The following SQLE variants were observed in gnomAD, a reference collection of about 807,000 sequenced individuals.
SQLE encodes the protein squalene monooxygenase.
In SQLE, 29 loss-of-function variants were observed where a neutral mutation model predicts 60.7. The observed-to-expected ratio is 0.48, with a 90% CI of 0.36 to 0.65. SQLE has a LOEUF of 0.65. SQLE is among the 30% of genes least tolerant of loss of function. The pLI, the probability that SQLE is intolerant of heterozygous loss-of-function variation, is 0.00. For missense variants in SQLE, 605 were observed against 684.1 expected (o/e 0.88, Z 1.29); for synonymous variants, 237 against 246.8 (o/e 0.96, Z 0.37).
intron 1 of SQLE, among the ~76,000 whole-genome samples, chr8:125,001,157 T>TC (rs1322770829): frequency 6.6e-6 from 1 of 152,174 alleles, no homozygotes; most frequent in African/African-American, 2.4e-5. Flanking sequence ...TAATTTGAAC[T>TC]TTTTTGTATT....
Position 124,998,726 on chromosome 8 carries a change from T to C in SQLE, c.-678T>C, listed in dbSNP as rs1588110115. On this transcript the variant is annotated 5_prime_UTR_variant, in exon 1 of 11. Coordinates refer to ENST00000265896, the MANE Select transcript of SQLE (RefSeq NM_003129.4). ...CTGGGGGCCAGCGAAACGGGAGGCC[T>C]CTAAATCTTTAGGTTGGGGCTGCAT... is the stretch of plus-strand genomic sequence containing the variant. 1.7e-6 allele frequency: 1 copy of C among 579,910 alleles called. No homozygotes were observed. Among genetic ancestry groups the C allele is most frequent in the East Asian group, 3.3e-5 (1 of 30,064 alleles). The allele number at this position is 579,910 out of a possible 1,614,324, so 35.9% of individuals were successfully genotyped here. A position where few individuals can be genotyped will look rare whatever the true frequency, so the allele number is the denominator to read the frequency against.
chr8:124,999,636 T>C lies in SQLE; in HGVS notation c.233T>C (p.Phe78Ser), dbSNP rs752495419. ...CTCTCAGGCCTGCCTTTCATTGGCT[T>C]CTTCTGGGCCAAATCCCCCCCTGAA... is the stretch of plus-strand genomic sequence containing the variant. ...DILSGLPFIG[F>S]FWAKSPPESE... Residue 78 changes from phenylalanine to serine, a missense_variant, in exon 1 of 11, where the codon TTC becomes TCC. Physicochemically the swap from Phe to Ser is radical, Grantham distance 155. Transcript: ENST00000265896. The C allele has an allele frequency of 1.2e-6, 2 of 1,612,282 alleles. No homozygotes were observed. The highest frequency in any genetic ancestry group is 3.3e-5 in the Admixed American group (2 of 59,720).
Position 125,009,067 on chromosome 8 carries a change from G to T in SQLE, c.919G>T (p.Val307Phe). ...TAAAGTTTCTGTATCATCTCATTTT[G>T]TTGGCTTTCTTATGAAGGTACTGTA... ...SNKVSVSSHF[V>F]GFLMKNAPQF... is the part of the protein sequence containing the mutation. The change falls in exon 5 of 11, where the codon GTT (valine) becomes TTT (phenylalanine). Residue 307 changes from valine to phenylalanine, a missense_variant. By Grantham distance (50) the Val-to-Phe change is conservative. Transcript: ENST00000265896. 6.3e-7 allele frequency: 1 copy of T among 1,595,806 alleles called. No individual in the cohort carries two copies. The highest frequency in any genetic ancestry group is 8.5e-7 in the Non-Finnish European group (1 of 1,173,692).
chr8:125,015,919 T>C (rs1190123811), intron 7 of SQLE, among the ~76,000 whole-genome samples: 2 of 144,550 alleles, frequency 1.4e-5, no homozygotes, highest in African/African-American at 4.9e-5. Flanking sequence ...CAGTGTGTCT[T>C]GCCCCTCTCT....
At chr8:125,000,455 G>GT (rs1272338986) in intron 1 of SQLE, among the ~76,000 whole-genome samples, 3 of 152,104 alleles carry the variant, frequency 2.0e-5, no homozygotes, top group East Asian at 1.9e-4. Context: ...AAAAATTTTT[G>GT]TTTTTTGAGA....
chr8:125,012,711 T>A (rs1031043907), intron 7 of SQLE, among the ~76,000 whole-genome samples: 19 of 152,268 alleles, frequency 1.2e-4, no homozygotes, highest in Middle Eastern at 3.2e-3. Context: ...GCAATGCTGC[T>A]ATGAACATCT....
intron 4 of SQLE, among the ~76,000 whole-genome samples, chr8:125,007,745 A>G (rs1480628337): frequency 4.6e-5 from 7 of 152,216 alleles, no homozygotes; most frequent in African/African-American, 2.4e-5. Flanking sequence ...CTGCTCAAAA[A>G]GTTTTGGATT....
At position 125,022,012 on chromosome 8, in the gene SQLE, A is replaced by T; in HGVS notation, c.*67A>T. ...CCAAGTCCTAAGAGACTTTTGGAAG[A>T]GGATATATATAGCATAGTACCATAC... On this transcript the variant is annotated 3_prime_UTR_variant, in exon 11 of 11. Transcript: ENST00000265896. The T allele has an allele frequency of 1.6e-6, 2 of 1,260,564 alleles. No individual in the cohort carries two copies. The highest frequency in any genetic ancestry group is 3.0e-5 in the South Asian group (2 of 66,220). 78.1% of individuals were successfully genotyped at this position (1,260,564 alleles called of 1,614,324 possible).
chr8:125,010,081 G>T (rs1342006153), intron 6 of SQLE, among the ~76,000 whole-genome samples: 1 of 152,130 alleles, frequency 6.6e-6, no homozygotes, highest in East Asian at 1.9e-4. Flanking sequence ...TTACAGATGG[G>T]AGAACTAAGG....
chr8:125,019,553 AGAGT>A (rs903669930), intron 9 of SQLE, among the ~76,000 whole-genome samples: 1 of 152,252 alleles, frequency 6.6e-6, no homozygotes, highest in Admixed American at 6.5e-5. Context: ...CCTGGGCAAC[AGAGT>A]GAGACTTCAT....
chr8:125,011,758 T>C (rs1490933310), intron 7 of SQLE, 126 bp downstream of exon 7: 3 of 764,790 alleles, frequency 3.9e-6, no homozygotes, highest in African/African-American at 3.5e-5. Context: ...AGTGCATTAT[T>C]AATACCAAAA....
chr8:125,020,741 T>C (rs1393737060), intron 9 of SQLE, 43 bp from the exon 10 acceptor site: 16 of 1,225,572 alleles, frequency 1.3e-5, no homozygotes, highest in Non-Finnish European at 1.9e-5. Context: ...GCATCCTACA[T>C]AAGTGTGTAC....
In SQLE at chr8:125,002,404, G is replaced by A. The variant is rs1019988125; in HGVS notation, c.292-772G>A. Among the ~76,000 whole-genome samples the A allele has an allele frequency of 2.6e-5, 4 of 152,314 alleles. No homozygotes were observed. The South Asian group carries it at 6.2e-4, about 24-fold the overall frequency. ...ATAATGAAAATATCTAAGGCCGCAC[G>A]CAGTGGCTCACGCCTGTAATCCCAG... On this transcript the variant is annotated intron_variant, in intron 1 of 10. Transcript: ENST00000265896.
chr8:125,003,069 A>G (rs1238058159), intron 1 of SQLE, 107 bp from the exon 2 acceptor site: 2 of 1,004,120 alleles, frequency 2.0e-6, no homozygotes, highest in Admixed American at 3.4e-5. Context: ...AATATTTAGT[A>G]TCTAGCTTTA....
chr8:125,012,268 T>C lies in SQLE; in HGVS notation c.1204+636T>C, dbSNP rs78371274. Among the ~76,000 whole-genome samples the C allele has an allele frequency of 3.0e-3, 456 of 152,362 alleles. 2 individuals are homozygous for C. The highest frequency in any genetic ancestry group is 0.011 in the African/African-American group (442 of 41,576). On this transcript the variant is annotated intron_variant, in intron 7 of 10. Coordinates refer to ENST00000265896, the MANE Select transcript of SQLE (RefSeq NM_003129.4). ...GTTTTCTTGTTACTAACTTTATTGATATATAATTCACAAATCAGTTTGCCC... is the reference window on the plus strand; with the variant it reads ...GTTTTCTTGTTACTAACTTTATTGACATATAATTCACAAATCAGTTTGCCC...
At chr8:125,010,547 TTAG>T (rs1476316673) in intron 6 of SQLE, among the ~76,000 whole-genome samples, 1 of 152,128 alleles carries the variant, frequency 6.6e-6, no homozygotes, top group African/African-American at 2.4e-5. Context: ...TGAAACCACT[TTAG>T]TAACAAATTA....
At chr8:125,012,531 C>T (rs1815053255) in intron 7 of SQLE, among the ~76,000 whole-genome samples, 1 of 152,216 alleles carries the variant, frequency 6.6e-6, no homozygotes, top group African/African-American at 2.4e-5. Context: ...TTGGAACTGG[C>T]TTTTCATTTA....
intron 3 of SQLE, 128 bp from the exon 4 acceptor site, chr8:125,007,263 C>A: frequency 2.0e-6 from 1 of 496,060 alleles, no homozygotes; most frequent in South Asian, 5.6e-5. Flanking sequence ...AAAAAACACA[C>A]ATTGGACACG....
Position 124,998,570 on chromosome 8 carries a change from C to CGCGCT in SQLE, c.-832_-828dup, listed in dbSNP as rs1205086552. The CGCGCT allele has an allele frequency of 1.5e-6, 1 of 684,040 alleles. No homozygotes were observed. 42.4% of individuals were successfully genotyped at this position (684,040 alleles called of 1,614,324 possible). On this transcript the variant is annotated 5_prime_UTR_variant, in exon 1 of 11. Transcript: ENST00000265896. Reference sequence around the variant, plus strand: ...GTTACTCTGGTTACTGGGGCCGCGCCGCGCTGGCGAGAGCCGCCGCCCGCG... The same window carrying CGCGCT: ...GTTACTCTGGTTACTGGGGCCGCGCCGCGCTGCGCTGGCGAGAGCCGCCGCCCGCG...
Sources: gnomAD v4.1 joint callset for allele counts (sites outside exome capture counted in the v4.1 genomes callset) on GRCh38, gnomAD v4.1.1 for gene constraint, MANE v1.5 for transcripts, NCBI Gene and HGNC (gene_info 2026-07-23, HGNC 2026-07-21) for gene names.